The following KIAA1755 variants were observed in gnomAD, a reference collection of about 807,000 sequenced individuals.
KIAA1755 encodes uncharacterized protein KIAA1755.
Under a neutral mutation model 91.7 loss-of-function variants are expected in KIAA1755, and 68 were observed. The observed-to-expected ratio is 0.74, with a 90% CI of 0.61 to 0.91. The LOEUF (loss-of-function observed/expected upper bound fraction) is 0.91, where lower values mean the gene tolerates loss of function less well. KIAA1755 is among the 40% of genes least tolerant of loss of function. The probability of loss-of-function intolerance (pLI) is 0.00; values close to 1 mark genes in which losing one functional copy is unlikely to be tolerated. For synonymous variants in KIAA1755, 610 were observed against 604.6 expected (o/e 1.01, Z -0.13); for missense variants, 1,535 against 1,494.4 (o/e 1.03, Z -0.45).
At chr20:38,217,703 C>T (rs2123064382) in intron 12 of KIAA1755, 1 of 579,934 alleles carries the variant, frequency 1.7e-6, no homozygotes, top group East Asian at 2.8e-5. Context: ...TCTCCAGGCC[C>T]TCGCCATGGC....
At chr20:38,231,703 G>C (rs958530538) in intron 4 of KIAA1755, among the ~76,000 whole-genome samples, 1 of 152,182 alleles carries the variant, frequency 6.6e-6, no homozygotes, top group African/African-American at 2.4e-5. Flanking sequence ...TGTTAAACAG[G>C]GAGAATAATA....
chr20:38,258,987 C>G (rs1224921103), intron 1 of KIAA1755, among the ~76,000 whole-genome samples: 3 of 152,142 alleles, frequency 2.0e-5, no homozygotes, highest in African/African-American at 7.2e-5. Context: ...CGCTGTGGCC[C>G]TGGAGTGACC....
intron 7 of KIAA1755, among the ~76,000 whole-genome samples, chr20:38,226,668 C>A (rs530595684): frequency 6.6e-6 from 1 of 152,168 alleles, no homozygotes; most frequent in African/African-American, 2.4e-5. Context: ...AGCTGCAGGG[C>A]TCTTTCCTGC....
intron 12 of KIAA1755, 56 bp downstream of exon 12, chr20:38,218,188 C>A: frequency 6.2e-7 from 1 of 1,609,456 alleles, no homozygotes; most frequent in Non-Finnish European, 8.5e-7. Context: ...AGTGCCACCC[C>A]CTCTAACGCC....
At chr20:38,259,530 T>A (rs7509385) in intron 1 of KIAA1755, among the ~76,000 whole-genome samples, 1,917 of 104,096 alleles carry the variant, frequency 0.018, 30 homozygotes, top group African/African-American at 0.052. Flanking sequence ...TGTGTGTGTG[T>A]GAGAGAGAGA....
intron 10 of KIAA1755, among the ~76,000 whole-genome samples, chr20:38,221,228 G>A (rs567083592): frequency 2.5e-3 from 375 of 152,314 alleles, no homozygotes; most frequent in African/African-American, 8.4e-3. Flanking sequence ...GCAGGGACCC[G>A]CTGCAGAACA....
chr20:38,219,780 G>A lies in KIAA1755; in HGVS notation c.2418-12C>T, dbSNP rs772939181. On this transcript the variant is annotated splice_polypyrimidine_tract_variant and intron_variant, in intron 10 of 13. Transcript: ENST00000279024. ...CAGCCAGATGGCTCCTGGGAGGTGG[G>A]CGGAGGTGAGAAAAGGCCTCTGTTG... 1.7e-5 allele frequency: 27 copies of A among 1,613,828 alleles called. No individual in the cohort carries two copies. The South Asian group carries it at 3.0e-4, about 18-fold the overall frequency.
rs767881448 is a variant in KIAA1755, at chr20:38,218,250, C to T, written c.2673G>A (p.Gln891=). ...AHAEFENFFL[Q]AAAQYRRGLE... Reference sequence around the variant, plus strand: ...TCTGTTGTCTGGAACGCACTGCAGCCTGGAGGAAGAAGTTCTCAAATTCTG... The same window carrying T: ...TCTGTTGTCTGGAACGCACTGCAGCTTGGAGGAAGAAGTTCTCAAATTCTG... The change falls in exon 12 of 14, where the codon CAG becomes CAA. Residue 891 remains glutamine (Q), a synonymous_variant. Coordinates refer to ENST00000279024, the MANE Select transcript of KIAA1755 (RefSeq NM_001029864.2). 2 of 1,614,230 alleles carry T rather than the reference C, an allele frequency of 1.2e-6. No individual in the cohort carries two copies. Among genetic ancestry groups the T allele is most frequent in the Non-Finnish European group, 1.7e-6 (2 of 1,180,050 alleles).
rs749509155 is a variant in KIAA1755, at chr20:38,217,218, G to T, written c.2901+35C>A. ...CCACCATAGCCCCAGCCAGGGGATC[G>T]GGGGGTATCTGTGCAGGTGGGCCGC... On this transcript the variant is annotated intron_variant, in intron 13 of 13. Coordinates refer to ENST00000279024, the MANE Select transcript of KIAA1755 (RefSeq NM_001029864.2). 4.9e-5 allele frequency: 75 copies of T among 1,529,262 alleles called. No homozygotes were observed. In the East Asian group the frequency reaches 1.7e-3, roughly 35 times the overall value. 94.7% of individuals were successfully genotyped at this position (1,529,262 alleles called of 1,614,324 possible).
Position 38,246,253 on chromosome 20 carries a change from C to T in KIAA1755, c.4-127G>A, listed in dbSNP as rs74824189. The stretch of plus-strand genomic sequence containing the variant: ...TTCTCTGACCTCCTCTCCTACCCCA[C>T]CCCCCTCACTCATCACTGCCAGCCA... On this transcript the variant is annotated intron_variant, in intron 1 of 13. Coordinates refer to ENST00000279024, the MANE Select transcript of KIAA1755 (RefSeq NM_001029864.2). 6.1e-3 allele frequency: 4,485 copies of T among 730,126 alleles called. 86 individuals carry two copies. The highest frequency in any genetic ancestry group is 0.048 in the East Asian group (1,751 of 36,798). The allele number at this position is 730,126 out of a possible 1,614,324, so 45.2% of individuals were successfully genotyped here.
Position 38,213,533 on chromosome 20 carries a change from G to A in KIAA1755, c.3112C>T (p.Arg1038Trp), listed in dbSNP as rs147257825. ...ATCCGGATCTCCTCATGCCTGATCC[G>A]GGCCTCCTCCCATAGCTCCTGGCCC... is the stretch of plus-strand genomic sequence containing the variant. ...GLGQELWEEA[R>W]IRHEEIRMLL... is the part of the protein sequence containing the mutation. The change falls in exon 14 of 14, where the codon CGG becomes TGG. Residue 1038 changes from arginine (R) to tryptophan (W), a missense_variant. Arg to Trp is a moderately radical substitution (Grantham distance 101). Transcript: ENST00000279024. The A allele has an allele frequency of 2.8e-5, 45 of 1,609,778 alleles. No individual in the cohort carries two copies. The East Asian group carries it at 3.3e-4, about 12-fold the overall frequency.
chr20:38,245,828 G>C (rs1003286883), intron 2 of KIAA1755, 101 bp downstream of exon 2: 3 of 1,128,748 alleles, frequency 2.7e-6, no homozygotes, highest in Non-Finnish European at 3.9e-6. Context: ...AGCTCCCCGT[G>C]AAACAAGACA....
Position 38,260,634 on chromosome 20 carries a change from G to A in KIAA1755, c.-134C>T, listed in dbSNP as rs2076432828. ...AGCCAGGGGATAGGGCAGGCCCGGGGCACCGACCCCGGCGTCATCTCGGAG... is the reference window on the plus strand; with the variant it reads ...AGCCAGGGGATAGGGCAGGCCCGGGACACCGACCCCGGCGTCATCTCGGAG... On this transcript the variant is annotated 5_prime_UTR_variant, in exon 1 of 14. Transcript: ENST00000279024. 5.4e-6 allele frequency: 6 copies of A among 1,109,056 alleles called. No homozygotes were observed. Among genetic ancestry groups the A allele is most frequent in the Middle Eastern group, 6.4e-4 (2 of 3,104 alleles). The allele number at this position is 1,109,056 out of a possible 1,614,324, so 68.7% of individuals were successfully genotyped here. A position where few individuals can be genotyped will look rare whatever the true frequency, so the allele number is the denominator to read the frequency against.
intron 1 of KIAA1755, among the ~76,000 whole-genome samples, chr20:38,251,652 G>C (rs908645494): frequency 6.7e-6 from 1 of 148,312 alleles, no homozygotes; most frequent in African/African-American, 2.5e-5. Context: ...TGCAACCTCC[G>C]CCTCCCGGGC....
chr20:38,235,718 CAG>C (rs1033744711), intron 4 of KIAA1755, among the ~76,000 whole-genome samples: 7 of 152,210 alleles, frequency 4.6e-5, no homozygotes, highest in Middle Eastern at 3.2e-3. Context: ...TTCTAACATA[CAG>C]AGCGATCAGA....
In KIAA1755 at chr20:38,241,436, C is replaced by T. The variant is rs1394636723; in HGVS notation, c.695G>A (p.Ser232Asn). 6.2e-7 allele frequency: 1 copy of T among 1,614,108 alleles called. No individual in the cohort carries two copies. Among genetic ancestry groups the T allele is most frequent in the East Asian group, 2.2e-5 (1 of 44,880 alleles). Reference sequence around the variant, plus strand: ...TGTCCTGCCCTTACCCTTGGCCAAACTCTGGGCAGGAAGCACCTGGTTGTC... The same window carrying T: ...TGTCCTGCCCTTACCCTTGGCCAAATTCTGGGCAGGAAGCACCTGGTTGTC... ...SPDNQVLPAQSLAKGKGRTYG... is the reference protein window; with the variant it reads ...SPDNQVLPAQNLAKGKGRTYG... The change falls in exon 3 of 14, where the codon AGT becomes AAT. Residue 232 changes from serine (S) to asparagine (N), a missense_variant. By Grantham distance (46) the Ser-to-Asn change is conservative. Transcript: ENST00000279024.
intron 10 of KIAA1755, among the ~76,000 whole-genome samples, chr20:38,221,407 G>A (rs950703748): frequency 6.6e-5 from 10 of 152,192 alleles, no homozygotes; most frequent in African/African-American, 2.4e-4. Flanking sequence ...CTGAGGGGCA[G>A]GGAGATGACC....
chr20:38,211,415 T>C lies in KIAA1755; in HGVS notation c.*1627A>G, dbSNP rs776468506. On this transcript the variant is annotated 3_prime_UTR_variant, in exon 14 of 14. Coordinates refer to ENST00000279024, the MANE Select transcript of KIAA1755 (RefSeq NM_001029864.2). The stretch of plus-strand genomic sequence containing the variant: ...CCTACTGCAGAGGTAAGGCAAACAC[T>C]TTCAGCTTAATGACACTCCAGAGAG... 6.6e-6 allele frequency: 1 copy of C among 152,210 alleles called. No individual in the cohort carries two copies. The highest frequency in any genetic ancestry group is 2.4e-5 in the African/African-American group (1 of 41,438). The allele number at this position is 152,210 out of a possible 1,614,324, so 9.4% of individuals were successfully genotyped here.
intron 2 of KIAA1755, among the ~76,000 whole-genome samples, chr20:38,242,130 C>T (rs1205436): frequency 0.28 from 43,252 of 152,070 alleles, 6,372 homozygotes; most frequent in Middle Eastern, 0.46. Context: ...CCTTGGAAAT[C>T]CTAGCCTACT....
Sources: gnomAD v4.1 joint callset for allele counts (sites outside exome capture counted in the v4.1 genomes callset) on GRCh38, gnomAD v4.1.1 for gene constraint, MANE v1.5 for transcripts, NCBI Gene and HGNC (gene_info 2026-07-23, HGNC 2026-07-21) for gene names.